Variants in TBC1D8B observed in about 807,000 individuals in gnomAD.
TBC1D8B encodes TBC1 domain family member 8B, also known as RP11-321G1.1.
A neutral mutation model predicts 82.9 loss-of-function variants in TBC1D8B; 75 were observed. The ratio of observed to expected loss-of-function variants is 0.90; its 90% CI spans 0.75 to 1.10. The LOEUF (loss-of-function observed/expected upper bound fraction) is 1.10. Among genes scored for constraint, TBC1D8B ranks in the 50% least tolerant of loss-of-function variants. TBC1D8B has a pLI of 0.00. For synonymous variants in TBC1D8B, 276 were observed against 276.8 expected (o/e 1.00, Z 0.03); for missense variants, 794 against 796.9 (o/e 1.00, Z 0.04).
chrX:106,823,572 T>A lies in TBC1D8B; in HGVS notation c.827+106T>A. The A allele has an allele frequency of 2.2e-6, 2 of 893,010 alleles. 1 individual carries two copies. The highest frequency in any genetic ancestry group is 6.5e-5 in the East Asian group (2 of 30,684). 73.6% of individuals were successfully genotyped at this position (893,010 alleles called of 1,213,427 possible). A position where few individuals can be genotyped will look rare whatever the true frequency, so the allele number is the denominator to read the frequency against. ...AACTCTTCTATATTATATGATAGGG[T>A]TTTTTTTGGAGTTGATTGTGGGTGT... On this transcript the variant is annotated intron_variant, in intron 5 of 20. Coordinates refer to ENST00000357242, the MANE Select transcript of TBC1D8B (RefSeq NM_017752.3).
At chrX:106,868,309 C>A in intron 17 of TBC1D8B, 84 bp from the exon 18 acceptor site, 1 of 584,525 alleles carries the variant, frequency 1.7e-6, no homozygotes, top group South Asian at 8.6e-5. Flanking sequence ...ACACCCAGTT[C>A]CCAGATATAC....
intron 10 of TBC1D8B, among the ~76,000 whole-genome samples, chrX:106,843,858 C>T (rs1297779607): frequency 9.0e-6 from 1 of 111,467 alleles, no homozygotes; most frequent in Non-Finnish European, 1.9e-5. Flanking sequence ...CTTTCCTTTT[C>T]ATTTATTTAA....
At chrX:106,849,967 A>G in intron 11 of TBC1D8B, 58 bp from the exon 12 acceptor site, 1 of 1,130,832 alleles carries the variant, frequency 8.8e-7, no homozygotes, top group Non-Finnish European at 1.2e-6. Context: ...GTGGGGAGGT[A>G]TGGAAACAAG....
intron 10 of TBC1D8B, among the ~76,000 whole-genome samples, chrX:106,844,078 CTTAT>C (rs1372224482): frequency 3.6e-5 from 4 of 111,186 alleles, no homozygotes; most frequent in African/African-American, 1.3e-4. Context: ...GTTTGCTAAG[CTTAT>C]TTATTAGTTC....
chrX:106,828,582 G>C (rs1383799335), intron 7 of TBC1D8B: 1 of 109,763 alleles, frequency 9.1e-6, no homozygotes, highest in East Asian at 2.8e-4. Context: ...ACATCAAAAA[G>C]CTTATCCACC....
In TBC1D8B at chrX:106,849,262, C is replaced by A. The variant is rs779984440; in HGVS notation, c.1838-763C>A. 83 of 1,105,183 alleles carry A rather than the reference C, an allele frequency of 7.5e-5. 1 individual carries two copies. In the East Asian group the frequency reaches 2.7e-3, roughly 37 times the overall value. 91.1% of individuals were successfully genotyped at this position (1,105,183 alleles called of 1,213,427 possible). A position where few individuals can be genotyped will look rare whatever the true frequency, so the allele number is the denominator to read the frequency against. ...TTTTTTAGGTTCAGATGATTTTATG[C>A]CACTAGTAAGAATCCAAGGACAATG... On this transcript the variant is annotated intron_variant, in intron 11 of 20. Coordinates refer to ENST00000357242, the MANE Select transcript of TBC1D8B (RefSeq NM_017752.3).
chrX:106,846,251 C>A (rs1342818308), intron 10 of TBC1D8B, among the ~76,000 whole-genome samples: 1 of 106,863 alleles, frequency 9.4e-6, no homozygotes, highest in Non-Finnish European at 1.9e-5. Context: ...CAGGTGTGCA[C>A]CACCATGCCC....
chrX:106,841,674 T>A (rs6523899), intron 10 of TBC1D8B, among the ~76,000 whole-genome samples: 1 of 111,555 alleles, frequency 9.0e-6, no homozygotes, highest in Non-Finnish European at 1.9e-5. Flanking sequence ...TAATTTTATT[T>A]CTTGAAGGAA....
intron 1 of TBC1D8B, among the ~76,000 whole-genome samples, chrX:106,817,563 A>G (rs1931579409): frequency 9.0e-6 from 1 of 111,588 alleles, no homozygotes; most frequent in Admixed American, 9.6e-5. Flanking sequence ...TATATATGAA[A>G]CAAATAAGTT....
intron 7 of TBC1D8B, among the ~76,000 whole-genome samples, chrX:106,834,249 C>G (rs960402952): frequency 7.2e-5 from 8 of 111,273 alleles, no homozygotes; most frequent in Non-Finnish European, 1.5e-4. Context: ...CACCTCTTCA[C>G]AGGGTGGCAG....
intron 14 of TBC1D8B, among the ~76,000 whole-genome samples, chrX:106,861,989 T>A (rs1254607086): frequency 2.9e-4 from 33 of 112,284 alleles, no homozygotes; most frequent in Admixed American, 9.4e-5. Context: ...ATTTCTCCTT[T>A]GCTTATGAAG....
intron 10 of TBC1D8B, among the ~76,000 whole-genome samples, chrX:106,844,963 T>C (rs1376132904): frequency 9.0e-6 from 1 of 111,482 alleles, no homozygotes; most frequent in Non-Finnish European, 1.9e-5. Context: ...TTGTGGTTTT[T>C]TTTAGAAACT....
chrX:106,825,164 C>T (rs1210753260), intron 5 of TBC1D8B, among the ~76,000 whole-genome samples: 1 of 111,278 alleles, frequency 9.0e-6, no homozygotes, highest in African/African-American at 3.2e-5. Context: ...TACCATTTAA[C>T]TGAGGTAAAA....
chrX:106,833,719 A>G (rs1332194474), intron 7 of TBC1D8B, among the ~76,000 whole-genome samples: 5 of 111,508 alleles, frequency 4.5e-5, no homozygotes, highest in African/African-American at 1.6e-4. Flanking sequence ...CATCACTCTT[A>G]TAAATTTATG....
chrX:106,843,838 C>T (rs977963824), intron 10 of TBC1D8B, among the ~76,000 whole-genome samples: 3 of 111,409 alleles, frequency 2.7e-5, no homozygotes, highest in Admixed American at 9.6e-5. Flanking sequence ...AACCCATAAA[C>T]ACAAGATGTC....
chrX:106,818,415 T>A (rs1160875059), intron 1 of TBC1D8B: 1 of 265,959 alleles, frequency 3.8e-6, no homozygotes, highest in Non-Finnish European at 6.6e-6. Flanking sequence ...AGATACATTT[T>A]GAGATTTGGA....
At chrX:106,862,776 G>GTTTTTTTTTTGTTTTTTTTT (rs1932785569) in intron 14 of TBC1D8B, among the ~76,000 whole-genome samples, 2 of 37,296 alleles carry the variant, frequency 5.4e-5, no homozygotes, top group Non-Finnish European at 8.8e-5. Flanking sequence ...GTTTTTTTTT[G>GTTTTTTTTTTGTTTTTTTTT]TTTTTTTTTT....
chrX:106,825,962 A>G (rs372698380), intron 5 of TBC1D8B, 68 bp from the exon 6 acceptor site: 5 of 951,258 alleles, frequency 5.3e-6, no homozygotes, highest in Non-Finnish European at 7.4e-6. Context: ...CAATATAGGC[A>G]TATGTATACC....
chrX:106,869,228 A>G (rs1932832501), intron 18 of TBC1D8B, among the ~76,000 whole-genome samples: 1 of 111,812 alleles, frequency 8.9e-6, no homozygotes, highest in South Asian at 3.7e-4. Context: ...AAAGAAGAAA[A>G]TACCACCCAG....
Sources: allele counts gnomAD v4.1 joint callset (sites outside exome capture counted in the v4.1 genomes callset), GRCh38; gene constraint gnomAD v4.1.1; transcripts MANE v1.5; gene names NCBI Gene and HGNC (gene_info 2026-07-23, HGNC 2026-07-21).